Variants in RGS12 observed in about 807,000 individuals in gnomAD.
The protein encoded by RGS12 is regulator of G-protein signaling 12.
RGS12 carries 66 observed loss-of-function variants against 120.1 expected under a neutral mutation model. That is an observed-to-expected ratio of 0.55 (90% CI 0.45 to 0.67). The LOEUF (loss-of-function observed/expected upper bound fraction) is 0.67, where lower values mean the gene tolerates loss of function less well. Ranked by LOEUF, RGS12 falls within the 30% of genes least tolerant of loss-of-function variation. The pLI, the probability that RGS12 is intolerant of heterozygous loss-of-function variation, is 0.00. For synonymous variants in RGS12, 827 were observed against 804.7 expected (o/e 1.03, Z -0.47); for missense variants, 1,859 against 1,957.7 (o/e 0.95, Z 0.95).
intron 3 of RGS12, among the ~76,000 whole-genome samples, chr4:3,362,672 TGTGAGGGTGAGG>T (rs1181532750): frequency 7.9e-6 from 1 of 126,384 alleles, no homozygotes; most frequent in Non-Finnish European, 1.6e-5. Flanking sequence ...TGAGGCTGAG[TGTGAGGGTGAGG>T]GTGTGTGTGA....
At chr4:3,308,942 G>T (rs972326763) in intron 1 of RGS12, among the ~76,000 whole-genome samples, 2 of 152,288 alleles carry the variant, frequency 1.3e-5, no homozygotes, top group Non-Finnish European at 2.9e-5. Flanking sequence ...CCTGCGTGGA[G>T]TCCCAGACGC....
At chr4:3,375,240 C>T (rs1381625891) in intron 3 of RGS12, among the ~76,000 whole-genome samples, 3 of 148,528 alleles carry the variant, frequency 2.0e-5, no homozygotes, top group Non-Finnish European at 3.0e-5. Flanking sequence ...ACTCCAGCCT[C>T]ATCTCCAGCC....
chr4:3,373,846 G>A (rs1272559925), intron 3 of RGS12, among the ~76,000 whole-genome samples: 5 of 152,228 alleles, frequency 3.3e-5, no homozygotes, highest in South Asian at 2.1e-4. Flanking sequence ...TCTGAGTCTC[G>A]TCATCTATAT....
At chr4:3,408,771 C>T (rs1028402052) in intron 4 of RGS12, among the ~76,000 whole-genome samples, 12 of 152,170 alleles carry the variant, frequency 7.9e-5, no homozygotes, top group African/African-American at 2.9e-4. Flanking sequence ...CTTTCCGGCT[C>T]CTCCAGGTAA....
chr4:3,430,369 T>C (rs1172833165), intron 16 of RGS12, 38 bp from the exon 17 acceptor site: 2 of 1,557,446 alleles, frequency 1.3e-6, no homozygotes, highest in South Asian at 1.2e-5. Context: ...AATGTGAAAC[T>C]CTCTAAAACA....
At chr4:3,437,604 C>G (rs1724935589) in intron 17 of RGS12, among the ~76,000 whole-genome samples, 1 of 152,186 alleles carries the variant, frequency 6.6e-6, no homozygotes, top group Admixed American at 6.5e-5. Flanking sequence ...GCAGGGCTAG[C>G]TCCTAGCCCT....
chr4:3,309,506 A>AACCGTGTGGGGGAGGAGCTGGGGCCTGGG (rs1724200120), intron 1 of RGS12, among the ~76,000 whole-genome samples: 1 of 47,996 alleles, frequency 2.1e-5, no homozygotes, highest in Non-Finnish European at 4.7e-5. Flanking sequence ...GGGACCCGGG[A>AACCGTGTGGGGGAGGAGCTGGGGCCTGGG]AATGGCAGGT....
At chr4:3,340,688 A>G (rs1162617887) in intron 2 of RGS12, among the ~76,000 whole-genome samples, 1 of 152,234 alleles carries the variant, frequency 6.6e-6, no homozygotes, top group Non-Finnish European at 1.5e-5. Context: ...AGTGTCTTAC[A>G]GGCTGATTTA....
intron 3 of RGS12, among the ~76,000 whole-genome samples, chr4:3,344,837 C>T (rs143473705): frequency 5.1e-4 from 78 of 152,268 alleles, no homozygotes; most frequent in Admixed American, 2.4e-3. Flanking sequence ...GGAGGATGGC[C>T]CAGGTGGCAG....
chr4:3,352,249 A>T (rs930778194), intron 3 of RGS12, among the ~76,000 whole-genome samples: 4 of 152,180 alleles, frequency 2.6e-5, no homozygotes, highest in African/African-American at 4.8e-5. Flanking sequence ...GTCCTTTATT[A>T]ACTCAGATCC....
chr4:3,295,211 C>T lies in RGS12; in HGVS notation c.-102+2112C>T, dbSNP rs182165133. 2.4e-3 allele frequency among the ~76,000 whole-genome samples: 361 copies of T among 152,040 alleles called. 2 individuals are homozygous for T. The highest frequency in any genetic ancestry group is 8.2e-3 in the African/African-American group (338 of 41,470). On this transcript the variant is annotated intron_variant, in intron 1 of 17. Coordinates refer to ENST00000336727, the MANE Select transcript of RGS12 (RefSeq NM_001394154.1). Reference sequence around the variant, plus strand: ...GGCCTGGCTGCTGCTGTGGGAAGGTCGGGGGTAGAGGAGATGGAGGACAGG... The same window carrying T: ...GGCCTGGCTGCTGCTGTGGGAAGGTTGGGGGTAGAGGAGATGGAGGACAGG...
At chr4:3,428,759 A>T (rs1236354651) in intron 16 of RGS12, 48 bp downstream of exon 16, 2 of 1,495,494 alleles carry the variant, frequency 1.3e-6, no homozygotes, top group East Asian at 4.5e-5. Flanking sequence ...ATGCACAGTT[A>T]GTTTCCAGTA....
At position 3,317,818 on chromosome 4, in the gene RGS12, C is replaced by A. The variant is rs778267904; in HGVS notation, c.1648C>A (p.His550Asn). The A allele has an allele frequency of 3.3e-5, 53 of 1,613,030 alleles. No individual in the cohort carries two copies. The highest frequency in any genetic ancestry group is 4.4e-5 in the Non-Finnish European group (52 of 1,179,704). Reference protein sequence around the residue: ...VHVLREWQCGHTSDQDSYTDS... With the variant: ...VHVLREWQCGNTSDQDSYTDS... ...CGTGCTCCGGGAGTGGCAGTGCGGA[C>A]ACACCAGCGACCAGGACTCTTACAC... The change falls in exon 2 of 18, where the codon CAC becomes AAC. Residue 550 changes from histidine (H) to asparagine (N), a missense_variant. Around this residue, in one of 3 missense-constraint regions of RGS12, gnomAD observed 967 missense variants for 994.2 expected, o/e 0.97. Coordinates refer to ENST00000336727, the MANE Select transcript of RGS12 (RefSeq NM_001394154.1).
At chr4:3,319,853 C>T (rs995083313) in intron 2 of RGS12, among the ~76,000 whole-genome samples, 1 of 152,214 alleles carries the variant, frequency 6.6e-6, no homozygotes, top group Non-Finnish European at 1.5e-5. Context: ...CCCTCCTGCC[C>T]GCCCTGGGCC....
rs771827042 is a variant in RGS12, at chr4:3,420,651, A to G, written c.2771A>G (p.His924Arg). The G allele has an allele frequency of 6.2e-7, 1 of 1,613,666 alleles. No individual in the cohort carries two copies. Among genetic ancestry groups the G allele is most frequent in the Non-Finnish European group, 8.5e-7 (1 of 1,180,030 alleles). ...EHGDHADDALHANGGLCRRES... is the reference protein window; with the variant it reads ...EHGDHADDALRANGGLCRRES... ...TGTTTCCCCTGTCAAGACGCCCTGC[A>G]TGCCAATGGAGGCCTGTGTCGCCGA... Residue 924 changes from histidine (H) to arginine (R), a missense_variant, in exon 10 of 18, where the codon CAT (histidine) becomes CGT (arginine). Transcript: ENST00000336727.
At position 3,358,967 on chromosome 4, in the gene RGS12, T is replaced by TC. The variant is rs1408908342; in HGVS notation, c.1998+15918dup. On this transcript the variant is annotated intron_variant, in intron 3 of 17. Coordinates refer to ENST00000336727, the MANE Select transcript of RGS12 (RefSeq NM_001394154.1). ...CTCCCCCTCCCCTTCTTCCTCCTCC[T>TC]CCCCTCCTCCCTCTCCTCCTACACC... Among the ~76,000 whole-genome samples, 230 of 53,714 alleles carry TC rather than the reference T, an allele frequency of 4.3e-3. 7 individuals are homozygous for TC. Among genetic ancestry groups the TC allele is most frequent in the African/African-American group, 0.018 (202 of 11,154 alleles). The allele number at this position is 53,714 out of a possible 152,430, so 35.2% of individuals were successfully genotyped here. A position where few individuals can be genotyped will look rare whatever the true frequency, so the allele number is the denominator to read the frequency against.
rs150990486 is a variant in RGS12, at chr4:3,398,681, A to T, written c.2020+12244A>T. On this transcript the variant is annotated intron_variant, in intron 4 of 17. Transcript: ENST00000336727. Reference sequence around the variant, plus strand: ...TAAATGGCACGGTATCAACATGGGTAAGTACTCCGAGGGGGAATTATTACA... The same window carrying T: ...TAAATGGCACGGTATCAACATGGGTTAGTACTCCGAGGGGGAATTATTACA... Among the ~76,000 whole-genome samples, 1,418 of 152,284 alleles carry T rather than the reference A, an allele frequency of 9.3e-3. 17 individuals carry two copies. Among genetic ancestry groups the T allele is most frequent in the Non-Finnish European group, 0.014 (922 of 68,012 alleles).
At chr4:3,300,078 G>A (rs538499812) in intron 1 of RGS12, among the ~76,000 whole-genome samples, 145 of 152,344 alleles carry the variant, frequency 9.5e-4, no homozygotes, top group Non-Finnish European at 1.7e-3. Context: ...TGTGGAAAAC[G>A]GTTAGGAGCA....
intron 4 of RGS12, among the ~76,000 whole-genome samples, chr4:3,398,997 A>G (rs1410905481): frequency 6.6e-6 from 1 of 152,190 alleles, no homozygotes; most frequent in African/African-American, 2.4e-5. Flanking sequence ...ACAAAAAAGA[A>G]TTCATACATT....
Sources: gnomAD v4.1 joint callset for allele counts (sites outside exome capture counted in the v4.1 genomes callset) on GRCh38, gnomAD v4.1.1 for gene constraint, gnomAD v4.1.1 regional missense constraint, MANE v1.5 for transcripts, NCBI Gene and HGNC (gene_info 2026-07-23, HGNC 2026-07-21) for gene names.